Variants in DCAF6 observed in about 807,000 individuals in gnomAD.
The protein encoded by DCAF6 is DDB1- and CUL4-associated factor 6.
A neutral mutation model predicts 125.1 loss-of-function variants in DCAF6; 54 were observed. The ratio of observed to expected loss-of-function variants is 0.43; its 90% CI spans 0.35 to 0.54. The LOEUF (loss-of-function observed/expected upper bound fraction) is 0.54. DCAF6 is among the 20% of genes least tolerant of loss of function. DCAF6 has a pLI of 0.01. For synonymous variants in DCAF6, 371 were observed against 390.4 expected, an observed-to-expected ratio of 0.95 and a Z score of 0.58; for missense variants, 934 against 1,161.7, an observed-to-expected ratio of 0.80 and a Z score of 2.85.
At chr1:168,022,688 C>G (rs1030462386) in intron 11 of DCAF6, among the ~76,000 whole-genome samples, 1 of 152,072 alleles carries the variant, frequency 6.6e-6, no homozygotes, top group Non-Finnish European at 1.5e-5. Flanking sequence ...AACTAGATAC[C>G]CCATTTCTAA....
the DCAF6 span, chr1:167,901,933 G>T: frequency 6.2e-7 from 1 of 1,605,210 alleles, no homozygotes; most frequent in Non-Finnish European, 8.5e-7. Context: ...CCTTCTCTAG[G>T]ATGCCTCCTT....
At chr1:167,896,573 T>G in the DCAF6 span, 1 of 1,579,730 alleles carries the variant, frequency 6.3e-7, no homozygotes, top group Non-Finnish European at 8.7e-7. Flanking sequence ...GGCAAAGGCA[T>G]TTTTCCATGG....
intron 18 of DCAF6, 52 bp from the exon 19 acceptor site, chr1:168,065,538 T>G: frequency 1.5e-6 from 2 of 1,295,956 alleles, no homozygotes; most frequent in Non-Finnish European, 2.1e-6. Flanking sequence ...GCATAAATCT[T>G]TGTTTTAATA....
At chr1:168,068,736 G>A (rs924190306) in intron 21 of DCAF6, among the ~76,000 whole-genome samples, 1 of 152,014 alleles carries the variant, frequency 6.6e-6, no homozygotes, top group African/African-American at 2.4e-5. Context: ...ATAACCTTAG[G>A]ATATATTATC....
chr1:168,017,410 T>C (rs899376345), intron 11 of DCAF6, among the ~76,000 whole-genome samples: 3 of 152,014 alleles, frequency 2.0e-5, no homozygotes, highest in African/African-American at 7.2e-5. Flanking sequence ...AACAAAACTG[T>C]CTAACAGGAA....
chr1:167,918,774 T>C, the DCAF6 span, among the ~76,000 whole-genome samples: 5 of 151,904 alleles, frequency 3.3e-5, no homozygotes, highest in Non-Finnish European at 5.9e-5. Flanking sequence ...TTTGTATTTT[T>C]AGTAGAGATG....
chr1:168,063,905 C>A, intron 18 of DCAF6, 146 bp downstream of exon 18: 1 of 718,872 alleles, frequency 1.4e-6, no homozygotes, highest in Non-Finnish European at 2.2e-6. Context: ...CAACATGGTT[C>A]TTTTAGCCCT....
chr1:168,017,829 G>C (rs762333476), intron 11 of DCAF6, among the ~76,000 whole-genome samples: 1 of 151,966 alleles, frequency 6.6e-6, no homozygotes, highest in African/African-American at 2.4e-5. Flanking sequence ...AAGAATGTGC[G>C]TTTCTCATAT....
upstream of DCAF6, chr1:167,935,662 G>A (rs1571527022): frequency 9.4e-6 from 12 of 1,281,858 alleles, no homozygotes; most frequent in East Asian, 2.8e-4. Context: ...TTGTCAGAGG[G>A]CCTCTAAAAG....
chr1:168,066,799 A>T (rs1201898577), intron 20 of DCAF6, among the ~76,000 whole-genome samples: 2 of 152,186 alleles, frequency 1.3e-5, no homozygotes, highest in Non-Finnish European at 2.9e-5. Context: ...TAATTTTATT[A>T]TAACTGTTTC....
the DCAF6 span, among the ~76,000 whole-genome samples, chr1:167,887,641 A>G: frequency 6.6e-6 from 1 of 152,156 alleles, no homozygotes; most frequent in Non-Finnish European, 1.5e-5. Context: ...ACATGTATAC[A>G]TAACGTAACA....
At chr1:168,003,204 T>C (rs556627625) in intron 8 of DCAF6, among the ~76,000 whole-genome samples, 1 of 152,074 alleles carries the variant, frequency 6.6e-6, no homozygotes, top group Non-Finnish European at 1.5e-5. Context: ...TCACAGAAAA[T>C]GTAAGAAGAA....
At chr1:167,992,179 T>G (rs1174243200) in intron 6 of DCAF6, among the ~76,000 whole-genome samples, 1 of 151,120 alleles carries the variant, frequency 6.6e-6, no homozygotes, top group Non-Finnish European at 1.5e-5. Flanking sequence ...CACTATAGGA[T>G]CAAAGTACTT....
At chr1:167,958,045 C>T (rs1283089756) in intron 2 of DCAF6, among the ~76,000 whole-genome samples, 1 of 152,092 alleles carries the variant, frequency 6.6e-6, no homozygotes, top group Non-Finnish European at 1.5e-5. Flanking sequence ...TGTCATGGGA[C>T]TCTTATCAGA....
intron 10 of DCAF6, among the ~76,000 whole-genome samples, chr1:168,005,637 A>C (rs1375398122): frequency 6.6e-6 from 1 of 152,190 alleles, no homozygotes; most frequent in African/African-American, 2.4e-5. Context: ...TGGCAGGCCT[A>C]AGCTGAAACC....
chr1:167,954,545 C>T (rs530405883), intron 2 of DCAF6, among the ~76,000 whole-genome samples: 28 of 152,024 alleles, frequency 1.8e-4, no homozygotes, highest in African/African-American at 5.8e-4. Context: ...CTCCGCCTCC[C>T]GGATTCACGC....
intron 17 of DCAF6, among the ~76,000 whole-genome samples, chr1:168,053,415 TTGAA>T (rs1268283391): frequency 6.6e-6 from 1 of 152,220 alleles, no homozygotes; most frequent in African/African-American, 2.4e-5. Flanking sequence ...TTCCTAAAAC[TTGAA>T]TGAGAAACCA....
the DCAF6 span, among the ~76,000 whole-genome samples, chr1:167,871,713 G>A: frequency 6.6e-6 from 1 of 152,240 alleles, no homozygotes; most frequent in South Asian, 2.1e-4. Context: ...ATTAATTCAA[G>A]TGTAGACATT....
chr1:167,901,151 G>A, the DCAF6 span, among the ~76,000 whole-genome samples: 4,472 of 152,242 alleles, frequency 0.029, 203 homozygotes, highest in African/African-American at 0.098. Flanking sequence ...AAATATGTGT[G>A]ACTATTACTA....
Sources: allele counts gnomAD v4.1 joint callset (sites outside exome capture counted in the v4.1 genomes callset), GRCh38; gene constraint gnomAD v4.1.1; transcripts MANE v1.5; gene names NCBI Gene and HGNC (gene_info 2026-07-23, HGNC 2026-07-21).